The following UBE3C variants were observed in gnomAD, a reference collection of about 807,000 sequenced individuals.
UBE3C encodes ubiquitin-protein ligase E3C.
A neutral mutation model predicts 129.4 loss-of-function variants in UBE3C; 42 were observed. The ratio of observed to expected loss-of-function variants is 0.32; its 90% CI spans 0.25 to 0.42. The LOEUF is 0.42. Among genes scored for constraint, UBE3C ranks in the 10% least tolerant of loss-of-function variants. UBE3C has a pLI of 1.00. For missense variants in UBE3C, 1,049 were observed against 1,319.1 expected (o/e 0.80, Z 3.17); for synonymous variants, 510 against 492.4 (o/e 1.04, Z -0.47).
chr7:157,250,167 TGGGAG>T (rs1796586432), intron 19 of UBE3C, among the ~76,000 whole-genome samples: 1 of 152,146 alleles, frequency 6.6e-6, no homozygotes. Flanking sequence ...TGTGTGGGGT[TGGGAG>T]CTCATACACT....
At chr7:157,171,793 G>A (rs1410982834) in intron 4 of UBE3C, among the ~76,000 whole-genome samples, 4 of 136,422 alleles carry the variant, frequency 2.9e-5, no homozygotes, top group Non-Finnish European at 4.6e-5. Flanking sequence ...TGTAACCTCC[G>A]CCTCACGGGT....
At chr7:157,225,375 C>A in intron 16 of UBE3C, 32 bp from the exon 17 acceptor site, 1 of 1,576,412 alleles carries the variant, frequency 6.3e-7, no homozygotes, top group Non-Finnish European at 8.5e-7. Flanking sequence ...TCTTTTGTTT[C>A]TAATAACCTT....
At chr7:157,260,950 C>G (rs745533967) in intron 22 of UBE3C, among the ~76,000 whole-genome samples, 1 of 152,112 alleles carries the variant, frequency 6.6e-6, no homozygotes, top group Non-Finnish European at 1.5e-5. Flanking sequence ...ACTTGTGCTG[C>G]GTGAGCGTCG....
chr7:157,229,182 G>C (rs181415424), intron 17 of UBE3C, among the ~76,000 whole-genome samples: 1 of 152,286 alleles, frequency 6.6e-6, no homozygotes, highest in Admixed American at 6.5e-5. Flanking sequence ...TTTCTGCAAA[G>C]CACCTGTAGA....
At chr7:157,171,686 ATTTTTTTTTTTTTTTTTTT>A (rs77471740) in intron 4 of UBE3C, among the ~76,000 whole-genome samples, 524 of 37,572 alleles carry the variant, frequency 0.014, 7 homozygotes, top group African/African-American at 0.034. Flanking sequence ...ATATATATAT[ATTTTTTTTTTTTTTTTTTT>A]TTTTTTTTTT....
chr7:157,141,012 C>T lies in UBE3C; in HGVS notation c.66+1674C>T, dbSNP rs149274015. Among the ~76,000 whole-genome samples, 17 of 152,302 alleles carry T rather than the reference C, an allele frequency of 1.1e-4. No homozygotes were observed. In the East Asian group the frequency reaches 3.1e-3, roughly 28 times the overall value. On this transcript the variant is annotated intron_variant, in intron 1 of 22. Transcript: ENST00000348165. ...TCTCAGCTGGAGGCTAGCGTTAACC[C>T]CATCTCACCAGGAGCATGCTACAAT... is the stretch of plus-strand genomic sequence containing the variant.
intron 1 of UBE3C, chr7:157,140,086 T>C (rs1807396294): frequency 1.0e-6 from 1 of 969,962 alleles, no homozygotes; most frequent in Admixed American, 6.2e-5. Flanking sequence ...TCTAGCTGTC[T>C]GTCCCTGAAG....
chr7:157,164,167 C>CT (rs966575881), intron 2 of UBE3C, among the ~76,000 whole-genome samples: 7 of 151,558 alleles, frequency 4.6e-5, no homozygotes, highest in South Asian at 4.2e-4. Context: ...TTTTTCTTCT[C>CT]TTTTTTTTAA....
At chr7:157,230,754 C>T (rs539733648) in intron 17 of UBE3C, among the ~76,000 whole-genome samples, 19 of 150,886 alleles carry the variant, frequency 1.3e-4, no homozygotes, top group South Asian at 4.2e-4. Flanking sequence ...TGTATTGGGC[C>T]GCATTCAAAG....
chr7:157,248,595 G>A lies in UBE3C; in HGVS notation c.2694+15G>A, dbSNP rs1454692154. On this transcript the variant is annotated intron_variant, in intron 19 of 22. Coordinates refer to ENST00000348165, the MANE Select transcript of UBE3C (RefSeq NM_014671.3). ...GAGAGGCGCAGGTGAGGGGTCAGGA[G>A]GAGGATTCACATACCTGTATAGCAA... is the stretch of plus-strand genomic sequence containing the variant. The A allele has an allele frequency of 3.7e-6, 6 of 1,611,562 alleles. No homozygotes were observed. Among genetic ancestry groups the A allele is most frequent in the Non-Finnish European group, 5.1e-6 (6 of 1,179,584 alleles).
intron 13 of UBE3C, among the ~76,000 whole-genome samples, 168 bp from the exon 14 acceptor site, chr7:157,216,685 CTGCTTTGTATACAT>C (rs1239659224): frequency 2.6e-5 from 4 of 152,184 alleles, no homozygotes; most frequent in Non-Finnish European, 2.9e-5. Flanking sequence ...TGGCAGATAA[CTGCTTTGTATACAT>C]TATTGTGATG....
intron 10 of UBE3C, among the ~76,000 whole-genome samples, chr7:157,195,222 A>G (rs1809084834): frequency 6.6e-6 from 1 of 152,242 alleles, no homozygotes; most frequent in Non-Finnish European, 1.5e-5. Context: ...CAGGAAAGAT[A>G]TGTGAGGAGC....
chr7:157,168,418 C>T (rs1326213395), intron 2 of UBE3C, among the ~76,000 whole-genome samples: 1 of 151,464 alleles, frequency 6.6e-6, no homozygotes, highest in African/African-American at 2.4e-5. Context: ...GGCAATTCCT[C>T]AATGATAACT....
At chr7:157,160,353 G>T (rs1193607230) in intron 1 of UBE3C, among the ~76,000 whole-genome samples, 1 of 152,168 alleles carries the variant, frequency 6.6e-6, no homozygotes, top group Non-Finnish European at 1.5e-5. Context: ...GGGATTACAG[G>T]TGTGAGCCCC....
At chr7:157,176,812 G>A (rs919247734) in intron 5 of UBE3C, among the ~76,000 whole-genome samples, 1 of 152,070 alleles carries the variant, frequency 6.6e-6, no homozygotes, top group African/African-American at 2.4e-5. Context: ...TCTGCCCCAG[G>A]CCTGGGGCTG....
At position 157,219,441 on chromosome 7, in the gene UBE3C, C is replaced by T. The variant is rs191957084; in HGVS notation, c.1915-1248C>T. ...CGAGCATCCCACACCACCTAGGAAA[C>T]GTTCTCGCCAGAAAGTTAAATCTAA... On this transcript the variant is annotated intron_variant, in intron 14 of 22. Coordinates refer to ENST00000348165, the MANE Select transcript of UBE3C (RefSeq NM_014671.3). Among the ~76,000 whole-genome samples the T allele has an allele frequency of 4.7e-3, 721 of 152,238 alleles. 10 individuals carry two copies. The highest frequency in any genetic ancestry group is 5.3e-3 in the Non-Finnish European group (359 of 68,026).
At chr7:157,180,708 C>T (rs1244640143) in intron 6 of UBE3C, among the ~76,000 whole-genome samples, 14 of 152,212 alleles carry the variant, frequency 9.2e-5, no homozygotes, top group Admixed American at 9.2e-4. Flanking sequence ...GTTATGTTCA[C>T]TGCCTCCCAC....
rs1554422961 is a variant in UBE3C, at chr7:157,166,941, G to GGTGGTGGTT, written c.121-2105_121-2104insGGTGGTTGT. Reference sequence around the variant, plus strand: ...TGGTGGTGGTGGTGGTGGTGGTGGTGGTTTTTGAGACAAAGTCTTGCTCTG... The same window carrying GGTGGTGGTT: ...TGGTGGTGGTGGTGGTGGTGGTGGTGGTGGTGGTTGTTTTTGAGACAAAGTCTTGCTCTG... On this transcript the variant is annotated intron_variant, in intron 2 of 22. Coordinates refer to ENST00000348165, the MANE Select transcript of UBE3C (RefSeq NM_014671.3). Among the ~76,000 whole-genome samples, 33 of 149,882 alleles carry GGTGGTGGTT rather than the reference G, an allele frequency of 2.2e-4. 1 individual carries two copies. Among genetic ancestry groups the GGTGGTGGTT allele is most frequent in the African/African-American group, 6.2e-4 (25 of 40,292 alleles).
At chr7:157,191,377 G>A (rs1808962337) in intron 10 of UBE3C, among the ~76,000 whole-genome samples, 1 of 152,302 alleles carries the variant, frequency 6.6e-6, no homozygotes, top group Admixed American at 6.5e-5. Flanking sequence ...CTGAAACCCC[G>A]CCTCCCAGGC....
Sources: gnomAD v4.1 joint callset for allele counts (sites outside exome capture counted in the v4.1 genomes callset) on GRCh38, gnomAD v4.1.1 for gene constraint, MANE v1.5 for transcripts, NCBI Gene and HGNC (gene_info 2026-07-23, HGNC 2026-07-21) for gene names.